Variants in COBL observed in about 807,000 individuals in gnomAD.
The protein encoded by COBL is cordon-bleu WH2 repeat protein.
A neutral mutation model predicts 98.8 loss-of-function variants in COBL; 51 were observed. The ratio of observed to expected loss-of-function variants is 0.52; its 90% CI spans 0.41 to 0.65. The LOEUF is 0.65. COBL is among the 30% of genes least tolerant of loss of function. COBL has a pLI of 0.00. For missense variants in COBL, 1,617 were observed against 1,617.5 expected, an observed-to-expected ratio of 1.00 and a Z score of 0.01; for synonymous variants, 634 against 651.7, an observed-to-expected ratio of 0.97 and a Z score of 0.41.
At chr7:51,148,005 G>A (rs902135216) in intron 5 of COBL, among the ~76,000 whole-genome samples, 4 of 151,892 alleles carry the variant, frequency 2.6e-5, no homozygotes, top group South Asian at 2.1e-4. Context: ...CTCGTGATCC[G>A]CCCACCTTGG....
intron 12 of COBL, among the ~76,000 whole-genome samples, chr7:51,020,145 C>A (rs1786782190): frequency 6.6e-6 from 1 of 152,154 alleles, no homozygotes; most frequent in African/African-American, 2.4e-5. Flanking sequence ...GGTGTCTGGG[C>A]CCAGCAGCAG....
rs114131003 is a variant in COBL, at chr7:51,290,889, G to A, written c.41+25704C>T. On this transcript the variant is annotated intron_variant, in intron 1 of 12. Transcript: ENST00000265136. The stretch of plus-strand genomic sequence containing the variant: ...TCCCCAGGTGTGTGCCCTTCCCTCC[G>A]GCTGGTGTCTGCCATAGCAACACCA... Among the ~76,000 whole-genome samples the A allele has an allele frequency of 7.6e-3, 1,150 of 152,088 alleles. 16 individuals carry two copies. The highest frequency in any genetic ancestry group is 0.027 in the African/African-American group (1,117 of 41,466).
chr7:51,031,174 G>T, intron 8 of COBL: 1 of 403,636 alleles, frequency 2.5e-6, no homozygotes, highest in South Asian at 5.1e-5. Context: ...GTGGACATGT[G>T]ATATATGGTG....
chr7:51,061,534 C>T (rs1006954589), intron 7 of COBL, among the ~76,000 whole-genome samples: 7 of 151,766 alleles, frequency 4.6e-5, no homozygotes, highest in African/African-American at 1.2e-4. Context: ...ATATAGGGGG[C>T]GAGTTGGCAA....
chr7:51,249,175 G>T (rs762464942), intron 1 of COBL, among the ~76,000 whole-genome samples: 2 of 152,178 alleles, frequency 1.3e-5, no homozygotes, highest in African/African-American at 4.8e-5. Context: ...TTCAAGGCAA[G>T]GCTATCTGTG....
chr7:51,030,967 T>C (rs762982809), intron 8 of COBL, 58 bp from the exon 9 acceptor site: 10 of 1,140,786 alleles, frequency 8.8e-6, no homozygotes, highest in Admixed American at 3.4e-5. Flanking sequence ...TTTAATGTAC[T>C]CCTTTCCAGG....
At chr7:51,127,616 A>G (rs1798337964) in intron 6 of COBL, among the ~76,000 whole-genome samples, 1 of 152,232 alleles carries the variant, frequency 6.6e-6, no homozygotes, top group South Asian at 2.1e-4. Context: ...GAAAGACTAA[A>G]GCATTCACAA....
Position 51,016,974 on chromosome 7 carries a change from C to T in COBL, c.*577G>A. 1 of 403,804 alleles carries T rather than the reference C, an allele frequency of 2.5e-6. No individual in the cohort carries two copies. 25.0% of individuals were successfully genotyped at this position (403,804 alleles called of 1,614,324 possible). On this transcript the variant is annotated 3_prime_UTR_variant, in exon 13 of 13. Transcript: ENST00000265136. ...GTGACCCTCTGTGAAGTGTTAGCCC[C>T]AAATATTTGAGGAAGAAGAATCCAG...
At chr7:51,104,094 G>C (rs1796045209) in intron 6 of COBL, among the ~76,000 whole-genome samples, 1 of 152,188 alleles carries the variant, frequency 6.6e-6, no homozygotes, top group Non-Finnish European at 1.5e-5. Flanking sequence ...TCCCTCTAAA[G>C]TGCTTAAGTA....
intron 7 of COBL, among the ~76,000 whole-genome samples, chr7:51,081,338 C>T (rs1002037463): frequency 2.0e-4 from 31 of 152,188 alleles, no homozygotes; most frequent in African/African-American, 7.5e-4. Flanking sequence ...GGGGAATGAA[C>T]TGGTATGGAG....
chr7:51,209,978 TC>T (rs1343131375), intron 2 of COBL, among the ~76,000 whole-genome samples: 2 of 152,134 alleles, frequency 1.3e-5, no homozygotes, highest in African/African-American at 2.4e-5. Context: ...CCACAGCTTT[TC>T]CCCAGCACAG....
At chr7:51,169,409 G>A (rs1584038066) in intron 5 of COBL, among the ~76,000 whole-genome samples, 1 of 152,154 alleles carries the variant, frequency 6.6e-6, no homozygotes, top group East Asian at 1.9e-4. Flanking sequence ...TCCTGAGGCT[G>A]TGTCATGAGT....
chr7:51,272,830 T>C (rs964096864), intron 1 of COBL, among the ~76,000 whole-genome samples: 29 of 152,104 alleles, frequency 1.9e-4, no homozygotes, highest in African/African-American at 7.0e-4. Context: ...GACATGTAAT[T>C]CACAATTCTA....
intron 12 of COBL, among the ~76,000 whole-genome samples, chr7:51,024,846 T>G (rs1250985578): frequency 6.6e-6 from 1 of 152,120 alleles, no homozygotes; most frequent in Non-Finnish European, 1.5e-5. Flanking sequence ...GGGTTTAGAT[T>G]CCACCTGTCA....
intron 6 of COBL, among the ~76,000 whole-genome samples, chr7:51,096,177 T>C (rs1020218113): frequency 3.3e-5 from 5 of 152,114 alleles, no homozygotes; most frequent in African/African-American, 9.7e-5. Flanking sequence ...TTTCTGACTA[T>C]AAATAATGGA....
At chr7:51,167,215 C>CA (rs1007342545) in intron 5 of COBL, among the ~76,000 whole-genome samples, 2 of 151,892 alleles carry the variant, frequency 1.3e-5, no homozygotes, top group Non-Finnish European at 2.9e-5. Flanking sequence ...TAAAGTTTCA[C>CA]AAAAAACCTA....
At chr7:51,263,469 T>C (rs575606544) in intron 1 of COBL, among the ~76,000 whole-genome samples, 21 of 152,290 alleles carry the variant, frequency 1.4e-4, no homozygotes, top group East Asian at 1.4e-3. Context: ...AGAAGAGCAT[T>C]TCAGAAGCCC....
At chr7:51,250,832 T>C (rs1242333312) in intron 1 of COBL, among the ~76,000 whole-genome samples, 5 of 152,176 alleles carry the variant, frequency 3.3e-5, no homozygotes. Context: ...CTCCCTTGAC[T>C]GGGAACCCTT....
chr7:51,117,559 T>C (rs1029538454), intron 6 of COBL, among the ~76,000 whole-genome samples: 3 of 152,168 alleles, frequency 2.0e-5, no homozygotes, highest in African/African-American at 4.8e-5. Flanking sequence ...TTCTTATTTA[T>C]AGTTCTTATT....
Sources: gnomAD v4.1 joint callset for allele counts (sites outside exome capture counted in the v4.1 genomes callset) on GRCh38, gnomAD v4.1.1 for gene constraint, MANE v1.5 for transcripts, NCBI Gene and HGNC (gene_info 2026-07-23, HGNC 2026-07-21) for gene names.